Variants in ODAD2 observed in about 807,000 individuals in gnomAD.
The protein encoded by ODAD2 is outer dynein arm-docking complex subunit 2.
Under a neutral mutation model 106.8 loss-of-function variants are expected in ODAD2, and 89 were observed. The observed-to-expected ratio is 0.83, with a 90% confidence interval of 0.70 to 0.99. ODAD2 has a LOEUF of 0.99. Ranked by LOEUF, ODAD2 falls within the 50% of genes least tolerant of loss-of-function variation. ODAD2 has a pLI of 0.00. For synonymous variants in ODAD2, 404 were observed against 436.2 expected (o/e 0.93, Z 0.92); for missense variants, 1,168 against 1,238.5 (o/e 0.94, Z 0.85).
chr10:27,908,345 T>C (rs1029045074), intron 16 of ODAD2, among the ~76,000 whole-genome samples: 1 of 152,134 alleles, frequency 6.6e-6, no homozygotes, highest in East Asian at 1.9e-4. Flanking sequence ...GCAGACTGTG[T>C]TATAATTACT....
At chr10:27,950,051 CCA>C (rs1421869247) in intron 10 of ODAD2, among the ~76,000 whole-genome samples, 1 of 152,112 alleles carries the variant, frequency 6.6e-6, no homozygotes, top group Non-Finnish European at 1.5e-5. Context: ...TGTCCCTACC[CCA>C]CACAGCTTCT....
chr10:27,964,523 T>G (rs767067508), intron 9 of ODAD2, among the ~76,000 whole-genome samples: 8 of 152,222 alleles, frequency 5.3e-5, no homozygotes, highest in Non-Finnish European at 1.0e-4. Context: ...AGGTATCAAG[T>G]GAATGCTATT....
chr10:27,893,843 C>G (rs942830200), intron 17 of ODAD2, among the ~76,000 whole-genome samples: 1 of 152,140 alleles, frequency 6.6e-6, no homozygotes, highest in Admixed American at 6.5e-5. Context: ...CCTACTGTCC[C>G]TCAGAATTTA....
intron 9 of ODAD2, among the ~76,000 whole-genome samples, chr10:27,966,281 A>G (rs556140834): frequency 6.6e-6 from 1 of 152,308 alleles, no homozygotes; most frequent in South Asian, 2.1e-4. Flanking sequence ...GGTCTATTCA[A>G]GAAGTGACTT....
chr10:27,917,733 A>G (rs1250432267), intron 16 of ODAD2, among the ~76,000 whole-genome samples: 1 of 151,908 alleles, frequency 6.6e-6, no homozygotes, highest in Non-Finnish European at 1.5e-5. Context: ...TTTTTGTTTG[A>G]AAAACCAATT....
Position 27,973,741 on chromosome 10 carries a change from G to T in ODAD2, c.937-2428C>A, listed in dbSNP as rs1471697379. Among the ~76,000 whole-genome samples, 4 of 152,116 alleles carry T rather than the reference G, an allele frequency of 2.6e-5. No homozygotes were observed. The East Asian group carries it at 5.8e-4, about 22-fold the overall frequency. On this transcript the variant is annotated intron_variant, in intron 7 of 19. Coordinates refer to ENST00000305242, the MANE Select transcript of ODAD2 (RefSeq NM_018076.5). The stretch of plus-strand genomic sequence containing the variant: ...TTGCTACTGCGAATAGTGCTGCAAT[G>T]AACATATGTGTGCATGTGTCTTTAT...
At chr10:27,878,627 T>G (rs1841504250) in intron 17 of ODAD2, among the ~76,000 whole-genome samples, 1 of 152,154 alleles carries the variant, frequency 6.6e-6, no homozygotes. Context: ...GATTTTAAAA[T>G]AGCACATCAC....
intron 10 of ODAD2, among the ~76,000 whole-genome samples, chr10:27,960,322 TA>T (rs1848040042): frequency 1.0e-5 from 1 of 99,186 alleles, no homozygotes; most frequent in South Asian, 3.2e-4. Flanking sequence ...TCATTATTAT[TA>T]TTATTATTAT....
intron 19 of ODAD2, among the ~76,000 whole-genome samples, chr10:27,848,517 A>C (rs1372605284): frequency 7.6e-6 from 1 of 130,932 alleles, no homozygotes; most frequent in Non-Finnish European, 1.7e-5. Flanking sequence ...TTCATGTCTA[A>C]AACACCAAAA....
intron 19 of ODAD2, among the ~76,000 whole-genome samples, chr10:27,850,289 A>G (rs1000185693): frequency 6.6e-6 from 1 of 151,862 alleles, no homozygotes; most frequent in African/African-American, 2.4e-5. Flanking sequence ...TATCAAAAAC[A>G]AAAAAATTAG....
At chr10:27,955,278 T>G (rs1847644470) in intron 10 of ODAD2, among the ~76,000 whole-genome samples, 1 of 152,136 alleles carries the variant, frequency 6.6e-6, no homozygotes, top group Non-Finnish European at 1.5e-5. Flanking sequence ...CAGTCTAATA[T>G]GGCCTTCCAA....
chr10:27,875,527 GT>G (rs1398266793), intron 17 of ODAD2, among the ~76,000 whole-genome samples: 2 of 152,172 alleles, frequency 1.3e-5, no homozygotes, highest in African/African-American at 4.8e-5. Context: ...TACAGATGGG[GT>G]TTTGGTGTGG....
chr10:27,938,114 T>G (rs1846122523), intron 14 of ODAD2, among the ~76,000 whole-genome samples: 1 of 152,076 alleles, frequency 6.6e-6, no homozygotes, highest in Admixed American at 6.6e-5. Context: ...TGTTTTTGTA[T>G]TTTTAGTAGA....
intron 17 of ODAD2, among the ~76,000 whole-genome samples, chr10:27,882,187 A>AAGAAAGAC (rs1841768733): frequency 6.7e-6 from 1 of 149,540 alleles, no homozygotes; most frequent in Non-Finnish European, 1.5e-5. Context: ...GAAAGAAAGA[A>AAGAAAGAC]AGAAAGAAAG....
rs190213883 is a variant in ODAD2 at position 27,902,833 on chromosome 10, G to A, written c.2610+4830C>T. 5.5e-3 allele frequency among the ~76,000 whole-genome samples: 838 copies of A among 152,198 alleles called. 6 individuals carry two copies. The highest frequency in any genetic ancestry group is 0.019 in the African/African-American group (794 of 41,522). ...AGCCCACCAACCAAAAAAAGCCCAG[G>A]ATCAGATGGACTCACAGCAGAATTC... On this transcript the variant is annotated intron_variant, in intron 17 of 19. Coordinates refer to ENST00000305242, the MANE Select transcript of ODAD2 (RefSeq NM_018076.5).
chr10:27,952,144 T>C (rs938739962), intron 10 of ODAD2, among the ~76,000 whole-genome samples: 1 of 145,638 alleles, frequency 6.9e-6, no homozygotes. Context: ...GCTAAAGGAT[T>C]AATTTGCATC....
chr10:27,887,026 C>T (rs893558400), intron 17 of ODAD2, among the ~76,000 whole-genome samples: 3 of 151,924 alleles, frequency 2.0e-5, no homozygotes, highest in South Asian at 2.1e-4. Flanking sequence ...CTTTCCTATA[C>T]TTTAAATGTA....
chr10:27,972,721 C>T (rs1454084473), intron 7 of ODAD2, among the ~76,000 whole-genome samples: 2 of 152,018 alleles, frequency 1.3e-5, no homozygotes, highest in Admixed American at 1.3e-4. Context: ...AGCACACAAT[C>T]GTAATTGTAT....
At chr10:27,856,204 A>G (rs145691866) in intron 19 of ODAD2, among the ~76,000 whole-genome samples, 3 of 152,336 alleles carry the variant, frequency 2.0e-5, no homozygotes, top group African/African-American at 7.2e-5. Context: ...TACATTTGAA[A>G]AGGAAGTCTG....
Sources: gnomAD v4.1 joint callset for allele counts (sites outside exome capture counted in the v4.1 genomes callset) on GRCh38, gnomAD v4.1.1 for gene constraint, MANE v1.5 for transcripts, NCBI Gene and HGNC (gene_info 2026-07-23, HGNC 2026-07-21) for gene names.